Variants in ECT2L observed in about 807,000 individuals in gnomAD.
The protein encoded by ECT2L is epithelial cell-transforming sequence 2 oncogene-like.
In ECT2L, 126 loss-of-function variants were observed where a neutral mutation model predicts 122.8. The observed-to-expected ratio is 1.03, with a 90% CI of 0.89 to 1.19. ECT2L has a LOEUF of 1.19. ECT2L is among the 50% of genes most tolerant of loss of function. ECT2L has a pLI of 0.00. For synonymous variants in ECT2L, 385 were observed against 381.8 expected, an observed-to-expected ratio of 1.01 and a Z score of -0.10; for missense variants, 1,012 against 1,064.1, an observed-to-expected ratio of 0.95 and a Z score of 0.68.
chr6:138,835,822 C>T (rs1776816231), intron 4 of ECT2L, among the ~76,000 whole-genome samples: 1 of 152,210 alleles, frequency 6.6e-6, no homozygotes, highest in African/African-American at 2.4e-5. Context: ...TTTATAATCA[C>T]CCTTTTCCAT....
chr6:138,829,731 CT>C (rs61251928), intron 4 of ECT2L, among the ~76,000 whole-genome samples: 4 of 149,808 alleles, frequency 2.7e-5, no homozygotes, highest in Non-Finnish European at 5.9e-5. Context: ...TTTTTTTTTC[CT>C]TTTTTTTTGA....
chr6:138,882,150 T>A (rs1451556994), intron 15 of ECT2L, among the ~76,000 whole-genome samples: 2 of 152,216 alleles, frequency 1.3e-5, no homozygotes, highest in Non-Finnish European at 2.9e-5. Flanking sequence ...AGTGATCATT[T>A]CTGCCTGTGG....
intron 20 of ECT2L, among the ~76,000 whole-genome samples, chr6:138,891,780 G>T (rs1779036631): frequency 6.8e-6 from 1 of 147,886 alleles, no homozygotes; most frequent in Non-Finnish European, 1.5e-5. Context: ...TCAGGCCCTG[G>T]TCACCCATAT....
At chr6:138,887,695 T>A (rs973001450) in intron 19 of ECT2L, among the ~76,000 whole-genome samples, 11 of 152,210 alleles carry the variant, frequency 7.2e-5, no homozygotes, top group African/African-American at 2.7e-4. Context: ...TTCCTTATAA[T>A]CATACCACAC....
At chr6:138,851,195 G>A (rs1466326146) in intron 9 of ECT2L, among the ~76,000 whole-genome samples, 1 of 151,644 alleles carries the variant, frequency 6.6e-6, no homozygotes, top group Non-Finnish European at 1.5e-5. Context: ...TGTTTTGTTG[G>A]TTTTTTTCTT....
chr6:138,873,896 G>GTGTGTGTA (rs1554277016), intron 13 of ECT2L, among the ~76,000 whole-genome samples: 5 of 149,750 alleles, frequency 3.3e-5, no homozygotes, highest in Admixed American at 6.6e-5. Flanking sequence ...GTGTGTGTGT[G>GTGTGTGTA]TGTGTGTGTG....
intron 12 of ECT2L, among the ~76,000 whole-genome samples, chr6:138,865,639 TTGAA>T (rs1228235314): frequency 6.6e-6 from 1 of 152,230 alleles, no homozygotes; most frequent in African/African-American, 2.4e-5. Flanking sequence ...TTAGACGTGG[TTGAA>T]TGAATGTTTC....
chr6:138,866,579 G>T (rs1778047409), intron 12 of ECT2L, among the ~76,000 whole-genome samples: 1 of 151,196 alleles, frequency 6.6e-6, no homozygotes, highest in Admixed American at 6.6e-5. Context: ...TAGAGACGGG[G>T]TTTCACCATG....
intron 5 of ECT2L, 83 bp downstream of exon 5, chr6:138,838,597 T>C (rs1776929119): frequency 1.4e-6 from 2 of 1,381,300 alleles, no homozygotes; most frequent in Non-Finnish European, 1.9e-6. Flanking sequence ...CTCCCGTCCC[T>C]GAAGACAATA....
intron 20 of ECT2L, among the ~76,000 whole-genome samples, chr6:138,895,139 T>C (rs951524362): frequency 1.3e-5 from 2 of 152,110 alleles, no homozygotes; most frequent in African/African-American, 4.8e-5. Flanking sequence ...TGCAAAAAGA[T>C]ATCACACAAT....
chr6:138,887,055 C>A, intron 19 of ECT2L, 133 bp downstream of exon 19: 1 of 723,692 alleles, frequency 1.4e-6, no homozygotes, highest in Non-Finnish European at 2.4e-6. Context: ...CACTGCCATG[C>A]TCTCCCATTT....
intron 4 of ECT2L, among the ~76,000 whole-genome samples, chr6:138,828,763 C>T (rs149232118): frequency 6.6e-6 from 1 of 152,204 alleles, no homozygotes; most frequent in African/African-American, 2.4e-5. Flanking sequence ...ATTTTCTAAC[C>T]AATAGCTTGG....
At chr6:138,896,713 T>C (rs934105595) in intron 20 of ECT2L, among the ~76,000 whole-genome samples, 1 of 152,202 alleles carries the variant, frequency 6.6e-6, no homozygotes, top group Admixed American at 6.5e-5. Flanking sequence ...AATGGCGTGA[T>C]CTCGGCTCAC....
intron 13 of ECT2L, among the ~76,000 whole-genome samples, chr6:138,874,561 G>A (rs1778374075): frequency 6.6e-6 from 1 of 152,132 alleles, no homozygotes; most frequent in Non-Finnish European, 1.5e-5. Flanking sequence ...CCAACTGTAA[G>A]CGAGCAGGTT....
intron 20 of ECT2L, among the ~76,000 whole-genome samples, chr6:138,894,162 T>C (rs967691428): frequency 3.3e-5 from 5 of 152,162 alleles, no homozygotes; most frequent in African/African-American, 9.7e-5. Context: ...GTTCAAGCGA[T>C]TCTCCTGCCT....
chr6:138,885,925 G>T, intron 18 of ECT2L, 95 bp downstream of exon 18: 2 of 1,283,818 alleles, frequency 1.6e-6, no homozygotes, highest in East Asian at 2.4e-5. Flanking sequence ...ATCTTCTTGT[G>T]GGGTTCTTCG....
Position 138,839,952 on chromosome 6 carries a change from C to CT in ECT2L, c.342+1445dup, listed in dbSNP as rs542019866. On this transcript the variant is annotated intron_variant, in intron 5 of 21. Coordinates refer to ENST00000541398, the MANE Select transcript of ECT2L (RefSeq NM_001077706.3). ...ATTTACCTTCCTCTCAGTTTCCATG[C>CT]TTTTTTTGTTAAAGATTTTTATTTT... 6.9e-3 allele frequency among the ~76,000 whole-genome samples: 1,049 copies of CT among 152,088 alleles called. 1 individual carries two copies. The highest frequency in any genetic ancestry group is 0.019 in the Admixed American group (285 of 15,252).
At chr6:138,812,318 C>G (rs1310697496) in intron 1 of ECT2L, among the ~76,000 whole-genome samples, 1 of 152,232 alleles carries the variant, frequency 6.6e-6, no homozygotes, top group Non-Finnish European at 1.5e-5. Context: ...CAGTACCCCC[C>G]TAAACTCTGC....
rs575657626 is a variant in ECT2L at position 138,860,909 on chromosome 6, T to A, written c.1199-1718T>A. Among the ~76,000 whole-genome samples the A allele has an allele frequency of 5.3e-5, 8 of 152,056 alleles. No individual in the cohort carries two copies. The East Asian group carries it at 1.4e-3, about 26-fold the overall frequency. On this transcript the variant is annotated intron_variant, in intron 10 of 21. Coordinates refer to ENST00000541398, the MANE Select transcript of ECT2L (RefSeq NM_001077706.3). ...CAACCCCCTGACAGGCCCCAGTGTG[T>A]GATGTTCCCCTCCCTGCATCCATGT...
Sources: gnomAD v4.1 joint callset for allele counts (sites outside exome capture counted in the v4.1 genomes callset) on GRCh38, gnomAD v4.1.1 for gene constraint, MANE v1.5 for transcripts, NCBI Gene and HGNC (gene_info 2026-07-23, HGNC 2026-07-21) for gene names.